The following GRIK2 variants were observed in gnomAD, a reference collection of about 807,000 sequenced individuals.
The protein encoded by GRIK2 is glutamate ionotropic receptor kainate type subunit 2.
Under a neutral mutation model 100.3 loss-of-function variants are expected in GRIK2, and 32 were observed. The ratio of observed to expected loss-of-function variants is 0.32; its 90% confidence interval spans 0.24 to 0.43. The LOEUF (loss-of-function observed/expected upper bound fraction) is 0.43, where lower values mean the gene tolerates loss of function less well. Ranked by LOEUF, GRIK2 falls within the 20% of genes least tolerant of loss-of-function variation. The pLI is 1.00. For synonymous variants in GRIK2, 417 were observed against 389.4 expected, an observed-to-expected ratio of 1.07 and a Z score of -0.83; for missense variants, 843 against 1,114.9, an observed-to-expected ratio of 0.76 and a Z score of 3.47.
intron 12 of GRIK2, among the ~76,000 whole-genome samples, chr6:101,917,426 G>T (rs542954106): frequency 6.6e-6 from 1 of 151,810 alleles, no homozygotes; most frequent in East Asian, 1.9e-4. Context: ...GAGCATAGCT[G>T]AAGTGTAGGA....
At chr6:101,643,815 A>C (rs1781396078) in intron 4 of GRIK2, among the ~76,000 whole-genome samples, 1 of 151,788 alleles carries the variant, frequency 6.6e-6, no homozygotes. Context: ...CACTTTGAGT[A>C]ATGTACTCAT....
intron 2 of GRIK2, among the ~76,000 whole-genome samples, chr6:101,580,847 A>C (rs115418506): frequency 2.6e-5 from 4 of 151,446 alleles, no homozygotes; most frequent in Non-Finnish European, 5.9e-5. Flanking sequence ...TTCCCTCTCA[A>C]TTCCCCTCAT....
intron 14 of GRIK2, among the ~76,000 whole-genome samples, chr6:101,984,692 G>A (rs1443994894): frequency 6.8e-6 from 1 of 146,718 alleles, no homozygotes; most frequent in Non-Finnish European, 1.5e-5. Context: ...TGTAAAGGAA[G>A]TCAGTAAAAG....
intron 2 of GRIK2, among the ~76,000 whole-genome samples, chr6:101,452,948 T>G (rs2128249727): frequency 6.6e-6 from 1 of 151,990 alleles, no homozygotes; most frequent in South Asian, 2.1e-4. Context: ...GGCAGTTTTA[T>G]TTTTTCAGTA....
intron 7 of GRIK2, among the ~76,000 whole-genome samples, chr6:101,778,351 G>A (rs1229007132): frequency 6.6e-6 from 1 of 152,032 alleles, no homozygotes; most frequent in Admixed American, 6.6e-5. Flanking sequence ...ATGTATGAGA[G>A]TAAAATGTAC....
chr6:101,859,632 G>C (rs1414694698), intron 11 of GRIK2, 139 bp downstream of exon 11: 3 of 621,642 alleles, frequency 4.8e-6, no homozygotes, highest in Non-Finnish European at 8.6e-6. Flanking sequence ...ATTTAAGCTA[G>C]ATAGTATTTG....
At chr6:101,396,291 T>C (rs1198460974) in intron 1 of GRIK2, among the ~76,000 whole-genome samples, 1 of 149,174 alleles carries the variant, frequency 6.7e-6, no homozygotes, top group Non-Finnish European at 1.5e-5. Flanking sequence ...GAACAAGAAT[T>C]AATCTCATTA....
At chr6:101,554,068 C>T (rs559271181) in intron 2 of GRIK2, among the ~76,000 whole-genome samples, 1 of 152,242 alleles carries the variant, frequency 6.6e-6, no homozygotes, top group South Asian at 2.1e-4. Flanking sequence ...GACCTGGCAC[C>T]AGAATTTGAG....
chr6:101,640,750 T>A (rs963193103), intron 4 of GRIK2, among the ~76,000 whole-genome samples: 1 of 152,140 alleles, frequency 6.6e-6, no homozygotes, highest in Non-Finnish European at 1.5e-5. Context: ...TAATTTCTTT[T>A]TCTAATAAGT....
chr6:101,679,126 A>G (rs1033107688), intron 5 of GRIK2, among the ~76,000 whole-genome samples: 1 of 152,216 alleles, frequency 6.6e-6, no homozygotes, highest in African/African-American at 2.4e-5. Context: ...GTAATCAGGA[A>G]CTTCAAAGTT....
intron 14 of GRIK2, among the ~76,000 whole-genome samples, chr6:101,935,808 A>G (rs1047351141): frequency 3.9e-5 from 6 of 152,052 alleles, no homozygotes; most frequent in African/African-American, 1.4e-4. Flanking sequence ...TCTAATTTAC[A>G]TATTGCTTTG....
chr6:101,675,900 T>G (rs1390846360), intron 4 of GRIK2, among the ~76,000 whole-genome samples: 2 of 152,202 alleles, frequency 1.3e-5, no homozygotes, highest in African/African-American at 4.8e-5. Context: ...GTTATTTCAC[T>G]GTTACATATA....
chr6:101,653,115 G>C lies in GRIK2; in HGVS notation c.542-23508G>C, dbSNP rs73761382. ...CCTTGAGGTTGTAAACAGATTTAAA[G>C]AGTGAAAGTAGAGCCTGCCCATGGA... is the stretch of plus-strand genomic sequence containing the variant. On this transcript the variant is annotated intron_variant, in intron 4 of 16. Transcript: ENST00000369134. Among the ~76,000 whole-genome samples, 1,324 of 152,288 alleles carry C rather than the reference G, an allele frequency of 8.7e-3. 14 individuals carry two copies. Among genetic ancestry groups the C allele is most frequent in the African/African-American group, 0.03 (1,237 of 41,566 alleles).
chr6:101,990,171 G>A (rs988644636), intron 14 of GRIK2, among the ~76,000 whole-genome samples: 2 of 151,668 alleles, frequency 1.3e-5, no homozygotes, highest in African/African-American at 4.8e-5. Flanking sequence ...ATAGTACAGT[G>A]AGTCTTTATT....
At chr6:101,820,152 T>C (rs965884037) in intron 10 of GRIK2, among the ~76,000 whole-genome samples, 1 of 152,200 alleles carries the variant, frequency 6.6e-6, no homozygotes, top group African/African-American at 2.4e-5. Flanking sequence ...AGATATAGTA[T>C]TCATCAGTAA....
chr6:102,041,205 G>GTGAT (rs898780951), intron 15 of GRIK2, among the ~76,000 whole-genome samples: 6 of 151,536 alleles, frequency 4.0e-5, no homozygotes, highest in East Asian at 1.9e-4. Context: ...GTGAACAGCC[G>GTGAT]TGATTAATAT....
chr6:101,794,733 T>G (rs1780169544), intron 7 of GRIK2, among the ~76,000 whole-genome samples: 1 of 152,160 alleles, frequency 6.6e-6, no homozygotes, highest in Admixed American at 6.5e-5. Flanking sequence ...AGATCTATTT[T>G]TCACTGAATA....
At chr6:101,644,583 G>A (rs1781434040) in intron 4 of GRIK2, among the ~76,000 whole-genome samples, 1 of 151,800 alleles carries the variant, frequency 6.6e-6, no homozygotes, top group South Asian at 2.1e-4. Context: ...GGACAGGTTG[G>A]AGGCATAAAT....
At chr6:101,803,219 T>A (rs1440662279) in intron 9 of GRIK2, among the ~76,000 whole-genome samples, 2 of 151,860 alleles carry the variant, frequency 1.3e-5, no homozygotes, top group African/African-American at 4.8e-5. Context: ...ATCTTATATT[T>A]CACCCAGCAA....
Sources: gnomAD v4.1 joint callset for allele counts (sites outside exome capture counted in the v4.1 genomes callset) on GRCh38, gnomAD v4.1.1 for gene constraint, MANE v1.5 for transcripts, NCBI Gene and HGNC (gene_info 2026-07-23, HGNC 2026-07-21) for gene names.